The following TRA2A variants were observed in gnomAD, a reference collection of about 807,000 sequenced individuals.
The protein encoded by TRA2A is transformer 2 alpha homolog.
A neutral mutation model predicts 45.7 loss-of-function variants in TRA2A; 31 were observed. The ratio of observed to expected loss-of-function variants is 0.68; its 90% CI spans 0.51 to 0.92. TRA2A has a LOEUF of 0.92. TRA2A is among the 40% of genes least tolerant of loss of function. The probability of loss-of-function intolerance (pLI) is 0.00; values close to 1 mark genes in which losing one functional copy is unlikely to be tolerated. For synonymous variants in TRA2A, 132 were observed against 126.2 expected (o/e 1.05, Z -0.31); for missense variants, 304 against 367.5 (o/e 0.83, Z 1.41).
intron 2 of TRA2A, 51 bp from the exon 3 acceptor site, chr7:23,516,579 T>C (rs1158461893): frequency 6.4e-7 from 1 of 1,551,558 alleles, no homozygotes; most frequent in Admixed American, 1.7e-5. Context: ...ATGGCTAAAG[T>C]CCTTCCCTCT....
intron 4 of TRA2A, among the ~76,000 whole-genome samples, chr7:23,508,063 A>C (rs967883129): frequency 1.3e-5 from 2 of 152,074 alleles, no homozygotes; most frequent in African/African-American, 4.8e-5. Flanking sequence ...CCCCAATCTT[A>C]TTCTTTAGTT....
At chr7:23,531,685 T>C in intron 1 of TRA2A, 104 bp downstream of exon 1, 3 of 1,254,326 alleles carry the variant, frequency 2.4e-6, no homozygotes, top group Non-Finnish European at 3.4e-6. Flanking sequence ...CTCCAGAGGT[T>C]GCTCCTCGCG....
chr7:23,511,382 A>G (rs1240775425), intron 4 of TRA2A, among the ~76,000 whole-genome samples: 1 of 28,956 alleles, frequency 3.5e-5, no homozygotes, highest in African/African-American at 2.6e-4. Flanking sequence ...AAAAAAAAAA[A>G]AAAAAAAAAA....
At chr7:23,524,209 A>C (rs1584140874) in intron 1 of TRA2A, among the ~76,000 whole-genome samples, 2 of 152,146 alleles carry the variant, frequency 1.3e-5, no homozygotes, top group Admixed American at 6.6e-5. Context: ...AAGAAGGAGG[A>C]GTCTCATTCT....
intron 1 of TRA2A, among the ~76,000 whole-genome samples, chr7:23,523,352 G>T (rs907987250): frequency 1.4e-4 from 21 of 152,002 alleles, no homozygotes; most frequent in South Asian, 6.2e-4. Context: ...TCATAAGCTT[G>T]TTTTTTTTAA....
At chr7:23,512,780 AAAAAAAAG>A (rs1456971569) in intron 4 of TRA2A, 106 bp downstream of exon 4, 1 of 982,142 alleles carries the variant, frequency 1.0e-6, no homozygotes, top group Non-Finnish European at 1.4e-6. Flanking sequence ...CTTTAAAAAA[AAAAAAAAG>A]AAAAAAAGGA....
chr7:23,530,185 A>G (rs1790512874), intron 1 of TRA2A, among the ~76,000 whole-genome samples: 1 of 152,218 alleles, frequency 6.6e-6, no homozygotes, highest in Non-Finnish European at 1.5e-5. Context: ...ACTATCATAT[A>G]TGTTTATCGC....
intron 1 of TRA2A, among the ~76,000 whole-genome samples, chr7:23,526,602 C>G (rs562443910): frequency 6.6e-6 from 1 of 152,272 alleles, no homozygotes; most frequent in South Asian, 2.1e-4. Flanking sequence ...GAAAGAACAA[C>G]AGTTCTGCTT....
intron 4 of TRA2A, among the ~76,000 whole-genome samples, chr7:23,512,397 C>G: frequency 6.6e-6 from 1 of 152,120 alleles, no homozygotes; most frequent in East Asian, 1.9e-4. Context: ...GGTAGGAGGA[C>G]TGCTTGAGCC....
chr7:23,521,610 G>C, intron 2 of TRA2A, 97 bp downstream of exon 2: 4 of 1,381,502 alleles, frequency 2.9e-6, no homozygotes, highest in Non-Finnish European at 4.0e-6. Context: ...ATAATTTTGA[G>C]TCTTTCGTGA....
chr7:23,531,266 G>A (rs767179768), intron 1 of TRA2A: 30 of 987,202 alleles, frequency 3.0e-5, no homozygotes, highest in South Asian at 9.2e-5. Context: ...AGACGCGGCC[G>A]CTCACTGAAA....
At chr7:23,505,864 G>T in intron 6 of TRA2A, 51 bp from the exon 7 acceptor site, 2 of 1,148,754 alleles carry the variant, frequency 1.7e-6, no homozygotes, top group Non-Finnish European at 2.4e-6. Context: ...CTCCACTGAG[G>T]CAGATGAAAA....
At chr7:23,520,230 A>C (rs2127997924) in intron 2 of TRA2A, among the ~76,000 whole-genome samples, 1 of 152,348 alleles carries the variant, frequency 6.6e-6, no homozygotes, top group African/African-American at 2.4e-5. Context: ...CAAAAACAAA[A>C]ACAAACAAGA....
chr7:23,509,646 T>C (rs142177469), intron 4 of TRA2A, among the ~76,000 whole-genome samples: 227 of 151,014 alleles, frequency 1.5e-3, no homozygotes, highest in African/African-American at 5.4e-3. Context: ...AGAGGCAGAA[T>C]TGCTTGAACC....
At chr7:23,510,956 G>A (rs573179544) in intron 4 of TRA2A, among the ~76,000 whole-genome samples, 2 of 152,188 alleles carry the variant, frequency 1.3e-5, no homozygotes, top group South Asian at 2.1e-4. Context: ...CTCAACCTTA[G>A]CACTATTGAC....
At chr7:23,521,020 G>A (rs937021654) in intron 2 of TRA2A, among the ~76,000 whole-genome samples, 1 of 152,076 alleles carries the variant, frequency 6.6e-6, no homozygotes, top group African/African-American at 2.4e-5. Flanking sequence ...TCCCACCTCA[G>A]TACACCTGGG....
intron 4 of TRA2A, among the ~76,000 whole-genome samples, chr7:23,509,245 G>T (rs1349987230): frequency 6.6e-6 from 1 of 151,944 alleles, no homozygotes; most frequent in Non-Finnish European, 1.5e-5. Context: ...TCTCTAAGTT[G>T]ATCTCCCTGC....
In TRA2A at chr7:23,531,135, C is replaced by T. The variant is rs1207190024; in HGVS notation, c.36+654G>A. The stretch of plus-strand genomic sequence containing the variant: ...CTCCTTGCGTAGTTTCCCCTCACAG[C>T]TCTCGTCTTAAGAACGCTTAAGGGT... On this transcript the variant is annotated intron_variant, in intron 1 of 7. Transcript: ENST00000297071. 5.0e-6 allele frequency: 4 copies of T among 806,640 alleles called. No homozygotes were observed. In the African/African-American group the frequency reaches 5.6e-5, roughly 11 times the overall value. 50.0% of individuals were successfully genotyped at this position (806,640 alleles called of 1,614,324 possible).
chr7:23,523,689 T>C (rs1790227519), intron 1 of TRA2A, among the ~76,000 whole-genome samples: 1 of 152,210 alleles, frequency 6.6e-6, no homozygotes, highest in Non-Finnish European at 1.5e-5. Flanking sequence ...TACAAGTCTT[T>C]CACTGCATCT....
Sources: allele counts gnomAD v4.1 joint callset (sites outside exome capture counted in the v4.1 genomes callset), GRCh38; gene constraint gnomAD v4.1.1; transcripts MANE v1.5; gene names NCBI Gene and HGNC (gene_info 2026-07-23, HGNC 2026-07-21).